Variants in AGBL1 observed in about 807,000 individuals in gnomAD.
AGBL1 encodes the protein cytosolic carboxypeptidase 4.
In AGBL1, 130 loss-of-function variants were observed where a neutral mutation model predicts 118.9. That is an observed-to-expected ratio of 1.09 (90% CI 0.95 to 1.26). AGBL1 has a LOEUF of 1.26. Among genes scored for constraint, AGBL1 ranks in the 50% most tolerant of loss-of-function variants. The pLI is 0.00. For synonymous variants in AGBL1, 555 were observed against 478.9 expected (o/e 1.16, Z -2.08); for missense variants, 1,584 against 1,298.1 (o/e 1.22, Z -3.38).
At chr15:86,818,106 A>G (rs1224368603) in intron 22 of AGBL1, among the ~76,000 whole-genome samples, 2 of 150,904 alleles carry the variant, frequency 1.3e-5, no homozygotes, top group South Asian at 2.1e-4. Context: ...GTGTGCGTGT[A>G]TGTGACACAC....
At chr15:86,778,882 C>A (rs1014496262) in intron 22 of AGBL1, among the ~76,000 whole-genome samples, 1 of 152,126 alleles carries the variant, frequency 6.6e-6, no homozygotes, top group Non-Finnish European at 1.5e-5. Flanking sequence ...TCCATGAAAT[C>A]TTCACAATTT....
At chr15:86,817,837 C>T (rs1400996885) in intron 22 of AGBL1, among the ~76,000 whole-genome samples, 1 of 152,110 alleles carries the variant, frequency 6.6e-6, no homozygotes, top group Non-Finnish European at 1.5e-5. Context: ...AAGATGAGGT[C>T]ATACTGGAAT....
chr15:86,548,663 GCA>G (rs61362688), intron 20 of AGBL1, among the ~76,000 whole-genome samples: 17,188 of 142,414 alleles, frequency 0.12, 996 homozygotes, highest in South Asian at 0.16. Flanking sequence ...ACACATGCAC[GCA>G]CACACACACA....
intron 21 of AGBL1, among the ~76,000 whole-genome samples, chr15:86,659,498 A>G (rs1020334973): frequency 5.9e-5 from 9 of 152,138 alleles, no homozygotes; most frequent in Non-Finnish European, 2.9e-5. Flanking sequence ...TCTTCTGTCT[A>G]TAGCAACTGT....
chr15:86,350,790 A>G (rs2080613374), intron 17 of AGBL1, among the ~76,000 whole-genome samples: 1 of 152,230 alleles, frequency 6.6e-6, no homozygotes, highest in Non-Finnish European at 1.5e-5. Flanking sequence ...AGAATATTCC[A>G]AAGCCTCTTG....
At chr15:86,657,818 A>G (rs2085485285) in intron 21 of AGBL1, among the ~76,000 whole-genome samples, 1 of 151,830 alleles carries the variant, frequency 6.6e-6, no homozygotes, top group Admixed American at 6.6e-5. Context: ...GTAGACCAGA[A>G]CAGGGAATAG....
intron 15 of AGBL1, among the ~76,000 whole-genome samples, chr15:86,278,685 T>A (rs1380258433): frequency 6.6e-6 from 1 of 152,224 alleles, no homozygotes; most frequent in African/African-American, 2.4e-5. Flanking sequence ...GCCAACGTTC[T>A]AAATGTTCAA....
intron 23 of AGBL1, among the ~76,000 whole-genome samples, chr15:86,971,524 TTAAA>T (rs2081108555): frequency 6.6e-6 from 1 of 151,888 alleles, no homozygotes; most frequent in South Asian, 2.1e-4. Context: ...TGCTTTTTAA[TTAAA>T]TAGTCAAGAA....
intron 21 of AGBL1, among the ~76,000 whole-genome samples, chr15:86,594,907 A>C (rs141471289): frequency 6.6e-6 from 1 of 152,264 alleles, no homozygotes; most frequent in East Asian, 1.9e-4. Flanking sequence ...ACTGTTGCCA[A>C]CCTCACTAAT....
chr15:86,082,300 C>G (rs574892586), intron 1 of AGBL1, among the ~76,000 whole-genome samples: 1 of 152,230 alleles, frequency 6.6e-6, no homozygotes, highest in Non-Finnish European at 1.5e-5. Flanking sequence ...GTTAGCTGAA[C>G]CTGTCTCAGT....
intron 22 of AGBL1, among the ~76,000 whole-genome samples, chr15:86,806,872 CTG>C (rs1439917273): frequency 1.3e-5 from 2 of 151,660 alleles, no homozygotes; most frequent in African/African-American, 4.8e-5. Flanking sequence ...TTCTATTGTA[CTG>C]TGTTATATAC....
intron 6 of AGBL1, among the ~76,000 whole-genome samples, chr15:86,238,762 C>T (rs1356242208): frequency 6.6e-6 from 1 of 152,146 alleles, no homozygotes; most frequent in African/African-American, 2.4e-5. Flanking sequence ...AGAATGTTGA[C>T]TCAGAAGAGT....
chr15:86,363,855 C>T (rs1302084839), intron 17 of AGBL1, among the ~76,000 whole-genome samples: 1 of 152,118 alleles, frequency 6.6e-6, no homozygotes, highest in Non-Finnish European at 1.5e-5. Context: ...GCTCTTCCTG[C>T]TCCCTCTTGA....
intron 23 of AGBL1, among the ~76,000 whole-genome samples, chr15:86,979,651 G>A (rs1396198513): frequency 6.8e-6 from 1 of 146,040 alleles, no homozygotes; most frequent in Non-Finnish European, 1.5e-5. Context: ...ACCACGCCCG[G>A]CTAATTTTTT....
At chr15:86,422,398 G>A (rs952288855) in intron 18 of AGBL1, among the ~76,000 whole-genome samples, 3 of 152,040 alleles carry the variant, frequency 2.0e-5, no homozygotes, top group African/African-American at 7.2e-5. Context: ...TCTGAAACCA[G>A]TGAGAACAAA....
chr15:86,967,841 A>C (rs1463150567), intron 23 of AGBL1, among the ~76,000 whole-genome samples: 2 of 152,090 alleles, frequency 1.3e-5, no homozygotes, highest in Admixed American at 6.6e-5. Context: ...ACTTTAAAGT[A>C]GTTTTTTCCA....
At chr15:86,807,171 C>T (rs1315404163) in intron 22 of AGBL1, among the ~76,000 whole-genome samples, 1 of 152,152 alleles carries the variant, frequency 6.6e-6, no homozygotes, top group African/African-American at 2.4e-5. Flanking sequence ...CAGAGCTGCT[C>T]AGCCAATGTG....
intron 11 of AGBL1, among the ~76,000 whole-genome samples, chr15:86,265,641 A>C (rs1244555181): frequency 6.6e-6 from 1 of 152,170 alleles, no homozygotes; most frequent in Admixed American, 6.5e-5. Flanking sequence ...TGACATATCC[A>C]ACCCTACCCC....
chr15:86,903,113 C>G (rs1013538678), intron 22 of AGBL1, among the ~76,000 whole-genome samples: 3 of 151,724 alleles, frequency 2.0e-5, no homozygotes, highest in Non-Finnish European at 4.4e-5. Context: ...CGTTTTTGTT[C>G]AGACTGGGTT....
Sources: gnomAD v4.1 joint callset for allele counts (sites outside exome capture counted in the v4.1 genomes callset) on GRCh38, gnomAD v4.1.1 for gene constraint, MANE v1.5 for transcripts, NCBI Gene and HGNC (gene_info 2026-07-23, HGNC 2026-07-21) for gene names.